KIAA1549: variants seen among roughly 807,000 people sequenced by gnomAD.
KIAA1549 encodes KIAA1549.
Under a neutral mutation model 156.4 loss-of-function variants are expected in KIAA1549, and 70 were observed. That is an observed-to-expected ratio of 0.45 (90% CI 0.37 to 0.55). The LOEUF is 0.55. Ranked by LOEUF, KIAA1549 falls within the 20% of genes least tolerant of loss-of-function variation. KIAA1549 has a pLI of 0.00. For synonymous variants in KIAA1549, 1,103 were observed against 1,066.4 expected, an observed-to-expected ratio of 1.03 and a Z score of -0.67; for missense variants, 2,428 against 2,540.9, an observed-to-expected ratio of 0.96 and a Z score of 0.96.
In KIAA1549 at chr7:138,918,070, G is replaced by A. The variant is rs750987766; in HGVS notation, c.1556C>T (p.Thr519Ile). ...AEVDMSSVTT[T>I]QVPPAHGRLS... ...GCGGCCGTGGGCAGGGGGAACCTGT[G>A]TGGTTGTAACACTACTCATATCCAC... The change falls in exon 2 of 20, where the codon ACA becomes ATA. Residue 519 changes from threonine to isoleucine, a missense_variant. Around this residue, in one of 5 missense-constraint regions of KIAA1549, gnomAD observed 893 missense variants for 847.9 expected, o/e 1.05. Coordinates refer to ENST00000422774, the MANE Select transcript of KIAA1549 (RefSeq NM_001164665.2). This position sits in a 1 kb window ranked among gnomAD's most constrained non-coding sequence, Gnocchi z 4.2. 1 of 1,613,560 alleles carries A rather than the reference G, an allele frequency of 6.2e-7. No individual in the cohort carries two copies. Among genetic ancestry groups the A allele is most frequent in the Non-Finnish European group, 8.5e-7 (1 of 1,179,750 alleles).
At chr7:138,937,234 T>A (rs966082749) in intron 1 of KIAA1549, among the ~76,000 whole-genome samples, 1 of 152,006 alleles carries the variant, frequency 6.6e-6, no homozygotes, top group African/African-American at 2.4e-5. Flanking sequence ...TTTTCCATCT[T>A]CCCCAGAACC....
chr7:138,851,318 T>C (rs1810225674), intron 17 of KIAA1549, among the ~76,000 whole-genome samples: 1 of 152,200 alleles, frequency 6.6e-6, no homozygotes, highest in Admixed American at 6.5e-5. Flanking sequence ...TATTATTTTA[T>C]ATTTAAGCAT....
chr7:138,974,818 A>C (rs1196994707), intron 1 of KIAA1549, among the ~76,000 whole-genome samples: 1 of 150,646 alleles, frequency 6.6e-6, no homozygotes, highest in Non-Finnish European at 1.5e-5. Flanking sequence ...GGTCAAATAA[A>C]ATATGGTTCT....
Position 138,981,088 on chromosome 7 carries a change from G to A in KIAA1549, c.182C>T (p.Ala61Val). 1 of 1,224,902 alleles carries A rather than the reference G, an allele frequency of 8.2e-7. No individual in the cohort carries two copies. The highest frequency in any genetic ancestry group is 1.6e-5 in the African/African-American group (1 of 64,198). The allele number at this position is 1,224,902 out of a possible 1,614,324, so 75.9% of individuals were successfully genotyped here. The change falls in exon 1 of 20, where the codon GCC becomes GTC. Residue 61 changes from alanine (A) to valine (V), a missense_variant. Ala to Val is a moderately conservative substitution (Grantham distance 64). Around this residue, in one of 5 missense-constraint regions of KIAA1549, gnomAD observed 893 missense variants for 847.9 expected, o/e 1.05. Transcript: ENST00000422774. This position sits in a 1 kb window ranked among gnomAD's most constrained non-coding sequence, Gnocchi z 4.5. ...AGGGTCTCGGCGGAGCTTACCTGGGGCGCACGAGGCCGGCCGGGCCAGCAG... is the reference window on the plus strand; with the variant it reads ...AGGGTCTCGGCGGAGCTTACCTGGGACGCACGAGGCCGGCCGGGCCAGCAG... ...LLLLARPASC[A>V]PDELSPEQHN...
intron 10 of KIAA1549, among the ~76,000 whole-genome samples, chr7:138,891,934 A>G (rs1045949799): frequency 2.0e-5 from 3 of 152,192 alleles, no homozygotes; most frequent in African/African-American, 7.2e-5. Context: ...TGAAGAGATC[A>G]TTTTCCCATT....
chr7:138,949,194 T>C (rs1316521997), intron 1 of KIAA1549, among the ~76,000 whole-genome samples: 1 of 152,158 alleles, frequency 6.6e-6, no homozygotes, highest in Non-Finnish European at 1.5e-5. Context: ...ATATAAAACC[T>C]GGAATTATTT....
intron 1 of KIAA1549, among the ~76,000 whole-genome samples, chr7:138,964,735 T>C (rs924300903): frequency 5.9e-5 from 9 of 152,152 alleles, no homozygotes; most frequent in Non-Finnish European, 1.5e-5. Flanking sequence ...CAGCCTGTAT[T>C]ATGGAGGAGA....
chr7:138,856,213 T>A (rs1222874475), intron 16 of KIAA1549, among the ~76,000 whole-genome samples: 5 of 151,058 alleles, frequency 3.3e-5, no homozygotes, highest in Admixed American at 3.3e-4. Context: ...TTTTTTTTTG[T>A]ATCTTTAGTA....
intron 1 of KIAA1549, among the ~76,000 whole-genome samples, chr7:138,929,584 T>G (rs1187156661): frequency 1.3e-5 from 2 of 152,256 alleles, no homozygotes; most frequent in Non-Finnish European, 2.9e-5. Context: ...TCTAGAATGG[T>G]GAACCTTTTC....
intron 8 of KIAA1549, among the ~76,000 whole-genome samples, chr7:138,901,655 A>AT (rs1047910156): frequency 1.3e-5 from 2 of 151,610 alleles, no homozygotes; most frequent in Admixed American, 1.3e-4. Context: ...CCACTCACTA[A>AT]TTTTTTTTTA....
At chr7:138,969,217 G>C (rs10277638) in intron 1 of KIAA1549, among the ~76,000 whole-genome samples, 1 of 152,054 alleles carries the variant, frequency 6.6e-6, no homozygotes, top group African/African-American at 2.4e-5. Context: ...TCACATTGTC[G>C]TGCAACTGAT....
Position 138,871,176 on chromosome 7 carries a change from C to T in KIAA1549, c.4532G>A (p.Ser1511Asn). The T allele has an allele frequency of 6.2e-7, 1 of 1,612,576 alleles. No individual in the cohort carries two copies. The highest frequency in any genetic ancestry group is 1.7e-5 in the Admixed American group (1 of 60,016). Residue 1511 changes from serine to asparagine, a missense_variant, in exon 13 of 20, where the codon AGC becomes AAC. Around this residue, in one of 5 missense-constraint regions of KIAA1549, gnomAD observed 404 missense variants for 417.0 expected, o/e 0.97. Coordinates refer to ENST00000422774, the MANE Select transcript of KIAA1549 (RefSeq NM_001164665.2). ...AAATACCTCTTTGTTGATTTTATTG[C>T]TTTCCGCCACTCGGTCGGCTGGGGA... ...RPSPADRVAESNKINKEIQTA... is the reference protein window; with the variant it reads ...RPSPADRVAENNKINKEIQTA...
chr7:138,844,248 C>T (rs2130333525), intron 18 of KIAA1549, 69 bp downstream of exon 18: 2 of 1,575,796 alleles, frequency 1.3e-6, no homozygotes, highest in Non-Finnish European at 1.7e-6. Context: ...CTCTGAGACA[C>T]CTAAAATAAA....
rs117006285 is a variant in KIAA1549 at position 138,852,217 on chromosome 7, C to G, written c.5294+6G>C. Reference sequence around the variant, plus strand: ...GTGATAATACATTTTGTTTTGAAAACCTTACCTTGGCAATGGACCCGTCGG... The same window carrying G: ...GTGATAATACATTTTGTTTTGAAAAGCTTACCTTGGCAATGGACCCGTCGG... On this transcript the variant is annotated splice_donor_region_variant and intron_variant, in intron 17 of 19. Transcript: ENST00000422774. The G allele has an allele frequency of 6.2e-7, 1 of 1,606,470 alleles. No individual in the cohort carries two copies. The highest frequency in any genetic ancestry group is 1.1e-5 in the South Asian group (1 of 90,140).
chr7:138,954,795 T>C (rs1483727942), intron 1 of KIAA1549, among the ~76,000 whole-genome samples: 1 of 152,074 alleles, frequency 6.6e-6, no homozygotes, highest in Non-Finnish European at 1.5e-5. Context: ...AAGATTCCCG[T>C]CCTGCAGAAG....
At chr7:138,932,253 G>A (rs187218699) in intron 1 of KIAA1549, among the ~76,000 whole-genome samples, 13 of 152,326 alleles carry the variant, frequency 8.5e-5, no homozygotes, top group Admixed American at 2.0e-4. Context: ...GAAAACAAGC[G>A]TTTGCAGAGT....
chr7:138,929,815 C>T (rs1055761594), intron 1 of KIAA1549, among the ~76,000 whole-genome samples: 2 of 152,108 alleles, frequency 1.3e-5, no homozygotes, highest in African/African-American at 2.4e-5. Context: ...CTCAACCTCC[C>T]AAACAGCTGG....
Position 138,838,179 on chromosome 7 carries a change from G to C in KIAA1549, c.5599-19C>G. 6.9e-7 allele frequency: 1 copy of C among 1,452,552 alleles called. No individual in the cohort carries two copies. Among genetic ancestry groups the C allele is most frequent in the Non-Finnish European group, 9.0e-7 (1 of 1,108,016 alleles). The allele number at this position is 1,452,552 out of a possible 1,614,324, so 90.0% of individuals were successfully genotyped here. A position where few individuals can be genotyped will look rare whatever the true frequency, so the allele number is the denominator to read the frequency against. On this transcript the variant is annotated intron_variant, in intron 19 of 19. Transcript: ENST00000422774. Reference sequence around the variant, plus strand: ...TGTGTGTCTGAAAAACATGGCAAACGTCACTGTACTTCCTACGAAGAATAA... The same window carrying C: ...TGTGTGTCTGAAAAACATGGCAAACCTCACTGTACTTCCTACGAAGAATAA...
intron 10 of KIAA1549, among the ~76,000 whole-genome samples, chr7:138,893,755 T>C (rs1011942938): frequency 4.6e-5 from 7 of 152,234 alleles, no homozygotes; most frequent in Admixed American, 2.0e-4. Flanking sequence ...TCCTATCCTC[T>C]GAAAATATCC....
Sources: gnomAD v4.1 joint callset for allele counts (sites outside exome capture counted in the v4.1 genomes callset) on GRCh38, gnomAD v4.1.1 for gene constraint, gnomAD v4.1.1 regional missense constraint, Gnocchi (gnomAD v3.1) non-coding constraint, MANE v1.5 for transcripts, NCBI Gene and HGNC (gene_info 2026-07-23, HGNC 2026-07-21) for gene names.